LCORL: variants seen among roughly 807,000 people sequenced by gnomAD.
LCORL encodes the protein ligand-dependent nuclear receptor corepressor-like protein.
A neutral mutation model predicts 141.8 loss-of-function variants in LCORL; 41 were observed. That is an observed-to-expected ratio of 0.29 (90% CI 0.23 to 0.38). The LOEUF (loss-of-function observed/expected upper bound fraction) is 0.38, where lower values mean the gene tolerates loss of function less well. Among genes scored for constraint, LCORL ranks in the 10% least tolerant of loss-of-function variants. The pLI, the probability that LCORL is intolerant of heterozygous loss-of-function variation, is 1.00. For synonymous variants in LCORL, 618 were observed against 694.1 expected (o/e 0.89, Z 1.72); for missense variants, 1,759 against 2,035.0 (o/e 0.86, Z 2.61).
intron 4 of LCORL, among the ~76,000 whole-genome samples, chr4:17,932,594 C>T (rs891005526): frequency 6.6e-6 from 1 of 152,168 alleles, no homozygotes; most frequent in Admixed American, 6.6e-5. Flanking sequence ...CTCACAATCA[C>T]TCCTTTTGCC....
chr4:17,966,066 T>C (rs1402710262), intron 2 of LCORL, among the ~76,000 whole-genome samples: 1 of 152,106 alleles, frequency 6.6e-6, no homozygotes, highest in Non-Finnish European at 1.5e-5. Flanking sequence ...AAACTGATTT[T>C]TCATTATGGA....
intron 4 of LCORL, among the ~76,000 whole-genome samples, chr4:17,910,881 G>A (rs979969805): frequency 1.3e-5 from 2 of 152,124 alleles, no homozygotes; most frequent in Non-Finnish European, 2.9e-5. Flanking sequence ...ATCTGAAAGA[G>A]GGAACTATGG....
At chr4:17,993,537 GA>G (rs34428811) in intron 1 of LCORL, among the ~76,000 whole-genome samples, 11 of 147,192 alleles carry the variant, frequency 7.5e-5, no homozygotes, top group African/African-American at 2.5e-4. Context: ...TCTACAAATT[GA>G]AAAAAAAAAT....
exon 3 of LCORL, chr4:17,963,006 T>C (rs773561989): frequency 5.6e-6 from 9 of 1,597,452 alleles, no homozygotes; most frequent in Admixed American, 5.1e-5. Context: ...AAAATGAACA[T>C]TTTTCATCCA....
chr4:17,921,008 G>A (rs543098466), intron 4 of LCORL, among the ~76,000 whole-genome samples: 1 of 152,062 alleles, frequency 6.6e-6, no homozygotes, highest in Non-Finnish European at 1.5e-5. Context: ...CCATGAATCA[G>A]TAATGTTCTT....
chr4:17,929,905 CAAT>C (rs2109415301), intron 4 of LCORL, among the ~76,000 whole-genome samples: 1 of 152,164 alleles, frequency 6.6e-6, no homozygotes, highest in African/African-American at 2.4e-5. Flanking sequence ...TCCTACAATT[CAAT>C]AATAAAGACA....
At chr4:17,881,342 A>G (rs2109203712) in intron 6 of LCORL, 1 of 981,964 alleles carries the variant, frequency 1.0e-6, no homozygotes, top group African/African-American at 1.7e-5. Flanking sequence ...TCATCTTAAT[A>G]GAATCACTGG....
At chr4:17,867,263 CTTA>C (rs1057097586) in intron 7 of LCORL, among the ~76,000 whole-genome samples, 1 of 151,928 alleles carries the variant, frequency 6.6e-6, no homozygotes, top group African/African-American at 2.4e-5. Flanking sequence ...AAGCCAACAA[CTTA>C]TTTTTTATTT....
rs76295895 is a variant in LCORL at position 17,918,264 on chromosome 4, C to T, written c.431-8919G>A. 7.0e-4 allele frequency among the ~76,000 whole-genome samples: 107 copies of T among 152,188 alleles called. 1 individual carries two copies. The East Asian group carries it at 0.016, about 22-fold the overall frequency. ...AGGATAATCTGATTTCCTGTTATCA[C>T]GCTGTATTATTTTAAATATTTTGTT... On this transcript the variant is annotated intron_variant, in intron 4 of 7. Transcript: ENST00000635767.
intron 6 of LCORL, chr4:17,881,726 TCAATA>T (rs1014956487): frequency 1.2e-5 from 11 of 953,494 alleles, no homozygotes; most frequent in African/African-American, 1.1e-4. Flanking sequence ...ATAAAAAAGC[TCAATA>T]CAATATAAAT....
exon 7 of LCORL, chr4:17,875,879 A>T: frequency 8.1e-7 from 1 of 1,231,154 alleles, no homozygotes; most frequent in Non-Finnish European, 1.0e-6. Context: ...CTTTTGCATG[A>T]CTGAATTTGT....
At chr4:17,931,555 C>T (rs1199062789) in intron 4 of LCORL, among the ~76,000 whole-genome samples, 2 of 151,888 alleles carry the variant, frequency 1.3e-5, no homozygotes, top group Non-Finnish European at 2.9e-5. Flanking sequence ...TGCAACTTTG[C>T]TTTCTTCACT....
intron 4 of LCORL, among the ~76,000 whole-genome samples, chr4:17,916,149 G>C (rs1733362715): frequency 6.6e-6 from 1 of 152,136 alleles, no homozygotes; most frequent in African/African-American, 2.4e-5. Flanking sequence ...CACCATGATT[G>C]CGTCCTTGAC....
At position 17,884,566 on chromosome 4, in the gene LCORL, T is replaced by C. The variant is rs1166403980; in HGVS notation, c.776+1502A>G. On this transcript the variant is annotated intron_variant, in intron 6 of 7. Coordinates refer to ENST00000635767, the Ensembl canonical transcript of LCORL. This position sits in a 1 kb window ranked among gnomAD's most constrained non-coding sequence, Gnocchi z 4.4. ...AATCTCGAGTTTTGTTTTTAAAAGA[T>C]GCAGGCTTCCCTGCTGGTAAGGCTT... 1 of 1,538,700 alleles carries C rather than the reference T, an allele frequency of 6.5e-7. No individual in the cohort carries two copies. The highest frequency in any genetic ancestry group is 2.4e-5 in the East Asian group (1 of 40,840).
rs66571587 is a variant in LCORL, at chr4:17,901,386, T to TAA, written c.682+7706_682+7707dup. Among the ~76,000 whole-genome samples, 8 of 141,046 alleles carry TAA rather than the reference T, an allele frequency of 5.7e-5. 1 individual carries two copies. Among genetic ancestry groups the TAA allele is most frequent in the Admixed American group, 7.1e-5 (1 of 14,046 alleles). 92.5% of individuals were successfully genotyped at this position (141,046 alleles called of 152,430 possible). A position where few individuals can be genotyped will look rare whatever the true frequency, so the allele number is the denominator to read the frequency against. ...AATGAAAGTGAAAAAGAAAATGAAA[T>TAA]AAAAAAAAAAACAACAAAATCCTGA... On this transcript the variant is annotated intron_variant, in intron 5 of 7. Transcript: ENST00000635767.
intron 4 of LCORL, among the ~76,000 whole-genome samples, chr4:17,921,291 G>A (rs999702178): frequency 2.6e-5 from 4 of 152,112 alleles, no homozygotes; most frequent in Admixed American, 6.5e-5. Context: ...GCCTCCCAAA[G>A]TGCTGAGATT....
chr4:18,017,486 A>G (rs1448751149), intron 1 of LCORL, among the ~76,000 whole-genome samples: 1 of 152,172 alleles, frequency 6.6e-6, no homozygotes, highest in Non-Finnish European at 1.5e-5. Flanking sequence ...CACCAACATC[A>G]TGAATCTCAA....
chr4:17,842,379 G>A, exon 8 of LCORL: 1 of 1,611,112 alleles, frequency 6.2e-7, no homozygotes, highest in Non-Finnish European at 8.5e-7. Flanking sequence ...GACTCTGAAA[G>A]GTATGTCATG....
intron 5 of LCORL, among the ~76,000 whole-genome samples, chr4:17,891,034 T>A (rs549903537): frequency 6.6e-6 from 1 of 152,140 alleles, no homozygotes; most frequent in Admixed American, 6.5e-5. Context: ...GAAATTCTTA[T>A]GGTTTTGTTA....
Sources: allele counts gnomAD v4.1 joint callset (sites outside exome capture counted in the v4.1 genomes callset), GRCh38; gene constraint gnomAD v4.1.1; non-coding constraint Gnocchi (gnomAD v3.1); transcripts MANE v1.5; gene names NCBI Gene and HGNC (gene_info 2026-07-23, HGNC 2026-07-21).